Variants in DSCAM observed in about 807,000 individuals in gnomAD.
DSCAM encodes the protein cell adhesion molecule DSCAM.
In DSCAM, 47 loss-of-function variants were observed where a neutral mutation model predicts 217.7. The ratio of observed to expected loss-of-function variants is 0.22; its 90% CI spans 0.17 to 0.28. The LOEUF (loss-of-function observed/expected upper bound fraction) is 0.28. Ranked by LOEUF, DSCAM falls within the 10% of genes least tolerant of loss-of-function variation. DSCAM has a pLI of 1.00. For synonymous variants in DSCAM, 1,056 were observed against 1,015.3 expected (o/e 1.04, Z -0.76); for missense variants, 2,080 against 2,618.3 (o/e 0.79, Z 4.49).
At chr21:40,754,619 T>C in intron 1 of DSCAM, among the ~76,000 whole-genome samples, 1 of 152,176 alleles carries the variant, frequency 6.6e-6, no homozygotes, top group East Asian at 1.9e-4. Flanking sequence ...CCGTGGCTGC[T>C]CTCAGGAGTC....
intron 3 of DSCAM, among the ~76,000 whole-genome samples, chr21:40,651,311 T>C (rs1329093917): frequency 6.6e-6 from 1 of 152,202 alleles, no homozygotes; most frequent in African/African-American, 2.4e-5. Flanking sequence ...AGCACAACTA[T>C]GAAGGCAGCC....
chr21:40,190,451 G>C (rs1003053726), intron 11 of DSCAM, among the ~76,000 whole-genome samples: 1 of 152,042 alleles, frequency 6.6e-6, no homozygotes, highest in Non-Finnish European at 1.5e-5. Flanking sequence ...CCAAAGCCAG[G>C]CTCCTCAAAG....
intron 32 of DSCAM, among the ~76,000 whole-genome samples, chr21:40,021,143 C>T (rs1361356687): frequency 7.4e-6 from 1 of 134,548 alleles, no homozygotes; most frequent in African/African-American, 2.9e-5. Flanking sequence ...GAAACACACA[C>T]AGGGAGGCAG....
intron 3 of DSCAM, among the ~76,000 whole-genome samples, chr21:40,409,098 T>C (rs926337645): frequency 2.6e-5 from 4 of 152,120 alleles, no homozygotes; most frequent in African/African-American, 9.7e-5. Flanking sequence ...TACCTAAGGG[T>C]GTATTTTCAA....
chr21:40,022,863 T>C (rs1426616874), intron 32 of DSCAM, among the ~76,000 whole-genome samples: 1 of 151,928 alleles, frequency 6.6e-6, no homozygotes, highest in East Asian at 1.9e-4. Flanking sequence ...ATTTTAGCAG[T>C]ATTTTCTTTT....
chr21:40,424,722 A>G (rs145786910), intron 3 of DSCAM, among the ~76,000 whole-genome samples: 21 of 152,332 alleles, frequency 1.4e-4, no homozygotes, highest in African/African-American at 5.1e-4. Flanking sequence ...AGGACATGAC[A>G]TTCTGGGAAT....
At chr21:40,506,933 T>C (rs930177838) in intron 3 of DSCAM, among the ~76,000 whole-genome samples, 2 of 152,220 alleles carry the variant, frequency 1.3e-5, no homozygotes, top group African/African-American at 4.8e-5. Context: ...ACAAAGCATA[T>C]TATCAGAGAA....
At chr21:40,689,546 T>C (rs1357771609) in intron 3 of DSCAM, among the ~76,000 whole-genome samples, 1 of 152,246 alleles carries the variant, frequency 6.6e-6, no homozygotes, top group East Asian at 1.9e-4. Context: ...CCTAACTCAC[T>C]CACTTAGTAA....
intron 18 of DSCAM, 65 bp from the exon 19 acceptor site, chr21:40,134,074 C>A: frequency 6.5e-7 from 1 of 1,543,940 alleles, no homozygotes. Context: ...TTTTTCCGCA[C>A]TGTCCCCACT....
At chr21:40,211,008 G>A (rs949768306) in intron 11 of DSCAM, among the ~76,000 whole-genome samples, 1 of 152,326 alleles carries the variant, frequency 6.6e-6, no homozygotes, top group African/African-American at 2.4e-5. Context: ...ATTCCTATCT[G>A]TCTGTGTTTG....
rs183079969 is a variant in DSCAM, at chr21:40,579,028, G to A, written c.508+113782C>T. On this transcript the variant is annotated intron_variant, in intron 3 of 32. Transcript: ENST00000400454. ...AACAATATGCATTGTGCAAAACACA[G>A]AAAGATGCACATTAGCACATTTGTA... Among the ~76,000 whole-genome samples the A allele has an allele frequency of 4.9e-3, 741 of 152,286 alleles. 2 individuals are homozygous for A. Among genetic ancestry groups the A allele is most frequent in the Admixed American group, 8.8e-3 (134 of 15,302 alleles).
chr21:40,299,857 A>G (rs879549292), intron 9 of DSCAM, among the ~76,000 whole-genome samples: 2 of 152,120 alleles, frequency 1.3e-5, no homozygotes, highest in Non-Finnish European at 2.9e-5. Flanking sequence ...TTAATATTCG[A>G]CCTAGATACT....
chr21:40,139,013 GGT>G (rs1218026565), intron 18 of DSCAM, among the ~76,000 whole-genome samples: 1 of 146,180 alleles, frequency 6.8e-6, no homozygotes, highest in Non-Finnish European at 1.5e-5. Context: ...GTGTATGTGT[GGT>G]GTGTGTGTAG....
At chr21:40,160,040 T>C (rs1464232481) in intron 16 of DSCAM, among the ~76,000 whole-genome samples, 1 of 152,178 alleles carries the variant, frequency 6.6e-6, no homozygotes, top group Non-Finnish European at 1.5e-5. Flanking sequence ...AGGATAGGGA[T>C]CCAAATCGGG....
At chr21:40,805,601 G>A (rs1360989940) in intron 1 of DSCAM, among the ~76,000 whole-genome samples, 3 of 152,166 alleles carry the variant, frequency 2.0e-5, no homozygotes, top group African/African-American at 7.2e-5. Flanking sequence ...GCCTAAGGAT[G>A]GTGGCAAGTC....
intron 16 of DSCAM, among the ~76,000 whole-genome samples, chr21:40,155,771 C>A (rs763102147): frequency 6.6e-6 from 1 of 152,128 alleles, no homozygotes; most frequent in Non-Finnish European, 1.5e-5. Flanking sequence ...GATGAAGGCA[C>A]ATCCACATCC....
chr21:40,748,311 T>C (rs1369189182), intron 1 of DSCAM, among the ~76,000 whole-genome samples: 1 of 150,750 alleles, frequency 6.6e-6, no homozygotes, highest in Non-Finnish European at 1.5e-5. Flanking sequence ...CATAATTAGA[T>C]AGATGGTTAG....
chr21:40,172,707 C>A (rs2090672622), intron 15 of DSCAM, among the ~76,000 whole-genome samples: 1 of 152,248 alleles, frequency 6.6e-6, no homozygotes, highest in Admixed American at 6.5e-5. Context: ...CAGTGAGAAC[C>A]AGTCCCACAT....
rs575046793 is a variant in DSCAM, at chr21:40,594,268, A to C, written c.508+98542T>G. Among the ~76,000 whole-genome samples, 5 of 152,308 alleles carry C rather than the reference A, an allele frequency of 3.3e-5. No homozygotes were observed. The South Asian group carries it at 1.0e-3, about 32-fold the overall frequency. On this transcript the variant is annotated intron_variant, in intron 3 of 32. Coordinates refer to ENST00000400454, the MANE Select transcript of DSCAM (RefSeq NM_001389.5). ...ATACACTGTGCAATAGAGTCTGGAC[A>C]TGTGTGGCTGGTGGGTGGAGATTCT...
Sources: gnomAD v4.1 joint callset for allele counts (sites outside exome capture counted in the v4.1 genomes callset) on GRCh38, gnomAD v4.1.1 for gene constraint, MANE v1.5 for transcripts, NCBI Gene and HGNC (gene_info 2026-07-23, HGNC 2026-07-21) for gene names.